Variants in LINGO2 observed in about 807,000 individuals in gnomAD.
The protein encoded by LINGO2 is leucine-rich repeat and immunoglobulin-like domain-containing nogo receptor-interacting protein 2.
A neutral mutation model predicts 30.6 loss-of-function variants in LINGO2; 14 were observed. That is an observed-to-expected ratio of 0.46 (90% CI 0.30 to 0.72). LINGO2 has a LOEUF of 0.72. Among genes scored for constraint, LINGO2 ranks in the 30% least tolerant of loss-of-function variants. The pLI is 0.07. For missense variants in LINGO2, 729 were observed against 751.7 expected (o/e 0.97, Z 0.35); for synonymous variants, 317 against 288.5 (o/e 1.10, Z -1.00).
At chr9:28,309,608 A>G (rs1409620428) in intron 3 of LINGO2, among the ~76,000 whole-genome samples, 5 of 151,996 alleles carry the variant, frequency 3.3e-5, no homozygotes, top group Non-Finnish European at 7.4e-5. Context: ...CAAAACAAAA[A>G]TTAGGGTAAG....
chr9:28,127,761 G>C (rs1340709561), intron 4 of LINGO2, among the ~76,000 whole-genome samples: 1 of 152,146 alleles, frequency 6.6e-6, no homozygotes, highest in East Asian at 1.9e-4. Context: ...TTCCCAGGTA[G>C]GAAAATAAAA....
chr9:28,157,050 C>T (rs1396094320), intron 4 of LINGO2, among the ~76,000 whole-genome samples: 4 of 152,142 alleles, frequency 2.6e-5, no homozygotes, highest in Non-Finnish European at 5.9e-5. Flanking sequence ...AGGACAGTGG[C>T]CCTCTCCTTA....
intron 1 of LINGO2, among the ~76,000 whole-genome samples, chr9:28,583,598 GA>G (rs1468036698): frequency 2.0e-5 from 3 of 151,776 alleles, no homozygotes; most frequent in Non-Finnish European, 4.4e-5. Context: ...AGTTAATAAA[GA>G]AAAAAATTTT....
chr9:28,594,258 A>G (rs770689034), intron 1 of LINGO2, among the ~76,000 whole-genome samples: 11 of 152,084 alleles, frequency 7.2e-5, no homozygotes, highest in Non-Finnish European at 1.3e-4. Flanking sequence ...TTGCTAAGTA[A>G]TGAGCTATTT....
intron 3 of LINGO2, among the ~76,000 whole-genome samples, chr9:28,346,734 G>A (rs901025984): frequency 5.3e-5 from 8 of 151,942 alleles, no homozygotes; most frequent in East Asian, 1.9e-4. Context: ...TCTGACTGGT[G>A]TGGGATCATA....
the LINGO2 span, among the ~76,000 whole-genome samples, chr9:28,817,862 A>G: frequency 2.6e-5 from 4 of 152,172 alleles, no homozygotes; most frequent in African/African-American, 9.7e-5. Flanking sequence ...TTGGTTTGCC[A>G]TTTTATGTAA....
chr9:28,046,755 T>C (rs920092623), intron 4 of LINGO2, among the ~76,000 whole-genome samples: 1 of 150,044 alleles, frequency 6.7e-6, no homozygotes, highest in Non-Finnish European at 1.5e-5. Context: ...TACCACGATA[T>C]TGTCCCCTGA....
the LINGO2 span, among the ~76,000 whole-genome samples, chr9:28,841,977 C>T: frequency 6.6e-6 from 1 of 151,718 alleles, no homozygotes; most frequent in Admixed American, 6.5e-5. Context: ...AATCATGTGT[C>T]TTGTGGTTTA....
chr9:28,436,930 T>C (rs1587672794), intron 2 of LINGO2, among the ~76,000 whole-genome samples: 1 of 152,138 alleles, frequency 6.6e-6, no homozygotes, highest in African/African-American at 2.4e-5. Flanking sequence ...GGTCATATGA[T>C]ACGAGCTGCA....
chr9:28,798,927 A>T, the LINGO2 span, among the ~76,000 whole-genome samples: 2 of 152,164 alleles, frequency 1.3e-5, no homozygotes, highest in Non-Finnish European at 2.9e-5. Flanking sequence ...AAATAGTTAA[A>T]TAGAGATCAA....
At chr9:27,958,167 G>A (rs959795053) in intron 5 of LINGO2, among the ~76,000 whole-genome samples, 2 of 151,986 alleles carry the variant, frequency 1.3e-5, no homozygotes, top group Admixed American at 6.6e-5. Flanking sequence ...AAGTGAGTAC[G>A]GAATGAAAAA....
At chr9:28,865,092 G>T in the LINGO2 span, among the ~76,000 whole-genome samples, 1 of 152,106 alleles carries the variant, frequency 6.6e-6, no homozygotes, top group Non-Finnish European at 1.5e-5. Flanking sequence ...AATGAGAAGG[G>T]TGGGGTAAGT....
At chr9:28,448,238 T>C (rs927166060) in intron 2 of LINGO2, among the ~76,000 whole-genome samples, 4 of 152,274 alleles carry the variant, frequency 2.6e-5, no homozygotes, top group African/African-American at 9.6e-5. Context: ...GGAGAATACT[T>C]TCTGGGTTGA....
At chr9:28,083,065 A>C (rs1236549671) in intron 4 of LINGO2, among the ~76,000 whole-genome samples, 4 of 152,132 alleles carry the variant, frequency 2.6e-5, no homozygotes, top group Admixed American at 2.0e-4. Context: ...TTCTCTACTA[A>C]ATTGACGGCA....
At chr9:28,990,033 C>G in the LINGO2 span, among the ~76,000 whole-genome samples, 13 of 152,328 alleles carry the variant, frequency 8.5e-5, no homozygotes, top group South Asian at 2.1e-3. Context: ...GAGCACCAGA[C>G]AGTGGGCGCA....
intron 4 of LINGO2, among the ~76,000 whole-genome samples, chr9:28,194,662 T>A (rs1378426731): frequency 6.7e-6 from 1 of 150,218 alleles, no homozygotes. Flanking sequence ...CTTAGAAATG[T>A]ATGGAAAACA....
At chr9:29,075,656 A>T in the LINGO2 span, among the ~76,000 whole-genome samples, 3 of 152,200 alleles carry the variant, frequency 2.0e-5, no homozygotes, top group African/African-American at 7.2e-5. Flanking sequence ...GCATAAGGGT[A>T]AATTTAAAAT....
At chr9:28,914,633 G>A in the LINGO2 span, among the ~76,000 whole-genome samples, 1 of 151,942 alleles carries the variant, frequency 6.6e-6, no homozygotes, top group Non-Finnish European at 1.5e-5. Flanking sequence ...GATATTTGCA[G>A]GATGTGAAAC....
intron 4 of LINGO2, among the ~76,000 whole-genome samples, chr9:28,151,728 T>A (rs1828006254): frequency 6.6e-6 from 1 of 151,984 alleles, no homozygotes; most frequent in Non-Finnish European, 1.5e-5. Context: ...TTTTTTTATA[T>A]TCTAAATGAT....
Sources: gnomAD v4.1 joint callset for allele counts (sites outside exome capture counted in the v4.1 genomes callset) on GRCh38, gnomAD v4.1.1 for gene constraint, MANE v1.5 for transcripts, NCBI Gene and HGNC (gene_info 2026-07-23, HGNC 2026-07-21) for gene names.